The following SKIC3 variants were observed in gnomAD, a reference collection of about 807,000 sequenced individuals.
SKIC3 encodes SKI3 subunit of superkiller complex.
At chr5:95,540,662 C>T in the SKIC3 span, 1 of 1,612,622 alleles carries the variant, frequency 6.2e-7, no homozygotes, top group East Asian at 2.2e-5. Context: ...TTTTCATGAA[C>T]AAACTTGAGG....
chr5:95,483,838 G>T, the SKIC3 span, among the ~76,000 whole-genome samples: 1 of 152,150 alleles, frequency 6.6e-6, no homozygotes, highest in Non-Finnish European at 1.5e-5. Flanking sequence ...CAAGCATAGA[G>T]CCCTCCAATC....
chr5:95,503,391 T>A, the SKIC3 span, among the ~76,000 whole-genome samples: 1 of 152,240 alleles, frequency 6.6e-6, no homozygotes, highest in African/African-American at 2.4e-5. Context: ...TATACACATG[T>A]GGGCTAAGCC....
the SKIC3 span, chr5:95,464,795 A>C: frequency 1.3e-6 from 1 of 784,560 alleles, no homozygotes. Flanking sequence ...GCAACATCAA[A>C]CTATACTAGG....
the SKIC3 span, among the ~76,000 whole-genome samples, chr5:95,490,521 G>A: frequency 7.2e-6 from 1 of 138,412 alleles, no homozygotes; most frequent in Non-Finnish European, 1.5e-5. Flanking sequence ...TTTTTGAGAC[G>A]GAGTCTCGCT....
At chr5:95,516,381 A>G in the SKIC3 span, 1 of 1,613,054 alleles carries the variant, frequency 6.2e-7, no homozygotes, top group Non-Finnish European at 8.5e-7. Flanking sequence ...GAGGTATAAC[A>G]CTCCCAAGTT....
the SKIC3 span, chr5:95,516,697 AGCATTC>A: frequency 6.2e-7 from 1 of 1,613,428 alleles, no homozygotes; most frequent in Non-Finnish European, 8.5e-7. Context: ...CCACACCAAG[AGCATTC>A]CAGTATAAGT....
At chr5:95,511,599 C>G in the SKIC3 span, among the ~76,000 whole-genome samples, 4 of 152,136 alleles carry the variant, frequency 2.6e-5, no homozygotes, top group African/African-American at 9.7e-5. Flanking sequence ...ATTTTCTCTC[C>G]TGTTTTTCAC....
chr5:95,521,953 A>T, the SKIC3 span: 64,369 of 1,471,192 alleles, frequency 0.044, 1,649 homozygotes, highest in Non-Finnish European at 0.051. Flanking sequence ...TGACTAAAGA[A>T]GTCCTTTTCA....
the SKIC3 span, among the ~76,000 whole-genome samples, chr5:95,546,046 T>C: frequency 6.6e-6 from 1 of 152,148 alleles, no homozygotes. Context: ...CCATTGCCTA[T>C]CAGCCCACCT....
the SKIC3 span, among the ~76,000 whole-genome samples, chr5:95,524,128 G>A: frequency 5.9e-5 from 9 of 152,002 alleles, no homozygotes; most frequent in Non-Finnish European, 1.3e-4. Context: ...TAAGAATGTA[G>A]GACTTATAGA....
chr5:95,540,042 T>C, the SKIC3 span, among the ~76,000 whole-genome samples: 2 of 151,952 alleles, frequency 1.3e-5, no homozygotes, highest in African/African-American at 4.8e-5. Context: ...AAAGAAATTG[T>C]GATATATATA....
At chr5:95,497,369 T>C in the SKIC3 span, 1 of 1,429,868 alleles carries the variant, frequency 7.0e-7, no homozygotes, top group East Asian at 2.4e-5. Context: ...ATTTACCATA[T>C]CACAAGTTAT....
At chr5:95,498,718 C>T in the SKIC3 span, 1 of 844,928 alleles carries the variant, frequency 1.2e-6, no homozygotes, top group African/African-American at 1.7e-5. Context: ...CTCCGCCTCC[C>T]AGGTTCACGC....
the SKIC3 span, chr5:95,482,712 G>A: frequency 1.1e-5 from 16 of 1,516,572 alleles, no homozygotes; most frequent in South Asian, 1.4e-4. Flanking sequence ...TCCAAGTTGG[G>A]AAAATAAAAT....
chr5:95,536,792 C>T, the SKIC3 span: 3 of 1,563,452 alleles, frequency 1.9e-6, no homozygotes, highest in Non-Finnish European at 2.6e-6. Flanking sequence ...CTCTAGGACA[C>T]ACACTATAAT....
chr5:95,501,264 A>G, the SKIC3 span, among the ~76,000 whole-genome samples: 1 of 152,202 alleles, frequency 6.6e-6, no homozygotes, highest in Non-Finnish European at 1.5e-5. Flanking sequence ...ACTACATTCT[A>G]GTATTAAGCA....
chr5:95,491,551 A>G, the SKIC3 span, among the ~76,000 whole-genome samples: 1 of 152,206 alleles, frequency 6.6e-6, no homozygotes, highest in Non-Finnish European at 1.5e-5. Context: ...CATTTATATG[A>G]CTATCTATCC....
At chr5:95,500,131 A>G in the SKIC3 span, among the ~76,000 whole-genome samples, 1 of 152,212 alleles carries the variant, frequency 6.6e-6, no homozygotes, top group Non-Finnish European at 1.5e-5. Flanking sequence ...AAACCACATA[A>G]TAACTTTTAA....
chr5:95,523,142 C>G, the SKIC3 span: 3 of 1,603,292 alleles, frequency 1.9e-6, no homozygotes, highest in Non-Finnish European at 2.6e-6. Flanking sequence ...AATTAAAATG[C>G]TTAATTTAAG....
Sources: gnomAD v4.1 joint callset for allele counts (sites outside exome capture counted in the v4.1 genomes callset) on GRCh38, gnomAD v4.1.1 for gene constraint, MANE v1.5 for transcripts, NCBI Gene and HGNC (gene_info 2026-07-23, HGNC 2026-07-21) for gene names.